The following COL4A1 variants were observed in gnomAD, a reference collection of about 807,000 sequenced individuals.
COL4A1 encodes the protein collagen alpha-1(IV) chain.
COL4A1 carries 40 observed loss-of-function variants against 216.6 expected under a neutral mutation model. That is an observed-to-expected ratio of 0.18 (90% CI 0.14 to 0.24). The LOEUF is 0.24. COL4A1 is among the 10% of genes least tolerant of loss of function. The probability of loss-of-function intolerance (pLI) is 1.00; values close to 1 mark genes in which losing one functional copy is unlikely to be tolerated. For synonymous variants in COL4A1, 839 were observed against 810.7 expected, an observed-to-expected ratio of 1.03 and a Z score of -0.59; for missense variants, 1,628 against 2,196.8, an observed-to-expected ratio of 0.74 and a Z score of 5.18.
At chr13:110,159,442 C>T (rs531640881) in intron 49 of COL4A1, among the ~76,000 whole-genome samples, 26 of 152,300 alleles carry the variant, frequency 1.7e-4, no homozygotes, top group African/African-American at 4.6e-4. Context: ...CTATCAAAAA[C>T]GCAGAAAACA....
chr13:110,282,712 TG>T (rs1883682620), intron 1 of COL4A1, among the ~76,000 whole-genome samples: 1 of 152,228 alleles, frequency 6.6e-6, no homozygotes, highest in Non-Finnish European at 1.5e-5. Context: ...TGTCCCTGAA[TG>T]GCATCCCTGC....
Position 110,202,068 on chromosome 13 carries a change from C to T in COL4A1, c.1000-546G>A, listed in dbSNP as rs180990182. ...CCTGCAAAGGATCCTGCCAGGCAGG[C>T]GGTTCTGCTTCCTTTTGTAATAGTT... On this transcript the variant is annotated intron_variant, in intron 18 of 51. Coordinates refer to ENST00000375820, the MANE Select transcript of COL4A1 (RefSeq NM_001845.6). Among the ~76,000 whole-genome samples the T allele has an allele frequency of 1.8e-3, 268 of 152,208 alleles. 1 individual carries two copies. Among genetic ancestry groups the T allele is most frequent in the African/African-American group, 5.3e-3 (219 of 41,520 alleles).
intron 49 of COL4A1, among the ~76,000 whole-genome samples, chr13:110,157,238 CT>C (rs1197260288): frequency 6.6e-6 from 1 of 152,224 alleles, no homozygotes; most frequent in Non-Finnish European, 1.5e-5. Context: ...ATCCAGCGGT[CT>C]TTTCGTCAGA....
At chr13:110,204,651 T>TC (rs1879405161) in intron 17 of COL4A1, among the ~76,000 whole-genome samples, 1 of 151,584 alleles carries the variant, frequency 6.6e-6, no homozygotes, top group Admixed American at 6.6e-5. Flanking sequence ...TTTTTAGATT[T>TC]TTTTTTTTTT....
chr13:110,220,290 A>G lies in COL4A1; in HGVS notation c.145-6275T>C, dbSNP rs1393413787. Among the ~76,000 whole-genome samples the G allele has an allele frequency of 3.3e-5, 5 of 152,302 alleles. No individual in the cohort carries two copies. In the East Asian group the frequency reaches 9.6e-4, roughly 29 times the overall value. On this transcript the variant is annotated intron_variant, in intron 2 of 51. Transcript: ENST00000375820. Reference sequence around the variant, plus strand: ...CACATTTAATACACCTAACCTACCCAACATCATAGCTTAGCCTAGCCATCC... The same window carrying G: ...CACATTTAATACACCTAACCTACCCGACATCATAGCTTAGCCTAGCCATCC...
chr13:110,192,444 A>G (rs1878676777), intron 23 of COL4A1, among the ~76,000 whole-genome samples, 160 bp from the exon 24 acceptor site: 1 of 152,216 alleles, frequency 6.6e-6, no homozygotes, highest in African/African-American at 2.4e-5. Context: ...AGACGGACTC[A>G]GAAAGGGAAT....
intron 1 of COL4A1, among the ~76,000 whole-genome samples, chr13:110,288,340 T>C (rs1222497938): frequency 6.6e-6 from 1 of 151,882 alleles, no homozygotes; most frequent in Non-Finnish European, 1.5e-5. Context: ...CTATGAGCCT[T>C]GAAACTCAGC....
chr13:110,285,159 G>A (rs1027521594), intron 1 of COL4A1, among the ~76,000 whole-genome samples: 1 of 152,228 alleles, frequency 6.6e-6, no homozygotes, highest in Non-Finnish European at 1.5e-5. Context: ...TTTTCAAAAT[G>A]AAAGACTAGG....
intron 1 of COL4A1, among the ~76,000 whole-genome samples, chr13:110,271,610 C>A (rs1317840474): frequency 1.3e-5 from 2 of 152,184 alleles, no homozygotes; most frequent in Admixed American, 6.5e-5. Context: ...CCCGCCCTGA[C>A]CCACATACAC....
At chr13:110,301,734 G>A (rs1218593202) in intron 1 of COL4A1, among the ~76,000 whole-genome samples, 1 of 152,190 alleles carries the variant, frequency 6.6e-6, no homozygotes, top group Non-Finnish European at 1.5e-5. Context: ...AGGCCGGGGA[G>A]CAGGAGAAGA....
At chr13:110,177,146 G>A in intron 33 of COL4A1, 109 bp from the exon 34 acceptor site, 1 of 1,553,082 alleles carries the variant, frequency 6.4e-7, no homozygotes, top group Non-Finnish European at 8.7e-7. Context: ...AGGCTACAAA[G>A]CACTCATAAC....
intron 31 of COL4A1, 60 bp downstream of exon 31, chr13:110,178,863 C>T (rs1340566026): frequency 1.5e-6 from 2 of 1,305,216 alleles, no homozygotes; most frequent in African/African-American, 1.5e-5. Flanking sequence ...CGGCCTCATC[C>T]CCCATGCTTC....
At chr13:110,257,364 A>G (rs2139272550) in intron 1 of COL4A1, among the ~76,000 whole-genome samples, 1 of 152,362 alleles carries the variant, frequency 6.6e-6, no homozygotes, top group Admixed American at 6.5e-5. Context: ...AGCAAATGTG[A>G]GCACAACAGC....
In COL4A1 at chr13:110,182,264, A is replaced by C. The variant is rs116630626; in HGVS notation, c.2095+729T>G. 7.3e-3 allele frequency among the ~76,000 whole-genome samples: 1,104 copies of C among 152,228 alleles called. 12 individuals are homozygous for C. The highest frequency in any genetic ancestry group is 0.024 in the African/African-American group (1,016 of 41,540). On this transcript the variant is annotated intron_variant, in intron 28 of 51. Transcript: ENST00000375820. ...AAGGGGCTGCCGTCTCCTGTTCTCCAAGCTAGCAGCCTACAGCAGTGAGGG... is the reference window on the plus strand; with the variant it reads ...AAGGGGCTGCCGTCTCCTGTTCTCCCAGCTAGCAGCCTACAGCAGTGAGGG...
At chr13:110,281,944 G>A (rs547835260) in intron 1 of COL4A1, among the ~76,000 whole-genome samples, 1 of 152,298 alleles carries the variant, frequency 6.6e-6, no homozygotes, top group South Asian at 2.1e-4. Flanking sequence ...ATCTCCATCA[G>A]TTTATGCCTG....
At chr13:110,283,064 T>G (rs921181044) in intron 1 of COL4A1, among the ~76,000 whole-genome samples, 3 of 124,580 alleles carry the variant, frequency 2.4e-5, no homozygotes, top group African/African-American at 7.6e-5. Context: ...GGTATCTTTC[T>G]CTCTCTTTGC....
chr13:110,263,771 T>C (rs9521678), intron 1 of COL4A1, among the ~76,000 whole-genome samples: 40,456 of 152,204 alleles, frequency 0.27, 5,671 homozygotes, highest in East Asian at 0.49. Flanking sequence ...TATTATTTTA[T>C]AGATCATTTC....
Position 110,291,177 on chromosome 13 carries a change from G to A in COL4A1, c.84+15767C>T, listed in dbSNP as rs569441078. On this transcript the variant is annotated intron_variant, in intron 1 of 51. Transcript: ENST00000375820. Reference sequence around the variant, plus strand: ...GTCGAGGACCTGGTGTCTAGAAAAAGTACACCGATGCCAAGTAGCCTGGCA... The same window carrying A: ...GTCGAGGACCTGGTGTCTAGAAAAAATACACCGATGCCAAGTAGCCTGGCA... Among the ~76,000 whole-genome samples, 88 of 152,328 alleles carry A rather than the reference G, an allele frequency of 5.8e-4. 1 individual carries two copies. The South Asian group carries it at 0.011, about 19-fold the overall frequency.
chr13:110,220,663 C>T (rs1160530648), intron 2 of COL4A1, among the ~76,000 whole-genome samples: 1 of 151,202 alleles, frequency 6.6e-6, no homozygotes, highest in African/African-American at 2.4e-5. Context: ...TTCCTCATTT[C>T]ATGGGCCTCC....
Sources: allele counts gnomAD v4.1 joint callset (sites outside exome capture counted in the v4.1 genomes callset), GRCh38; gene constraint gnomAD v4.1.1; transcripts MANE v1.5; gene names NCBI Gene and HGNC (gene_info 2026-07-23, HGNC 2026-07-21).